The following ZBTB40 variants were observed in gnomAD, a reference collection of about 807,000 sequenced individuals.
The protein encoded by ZBTB40 is zinc finger and BTB domain containing 40, also known as zinc finger and BTB domain-containing protein 40.
In ZBTB40, 60 loss-of-function variants were observed where a neutral mutation model predicts 117.5. That is an observed-to-expected ratio of 0.51 (90% CI 0.41 to 0.63). ZBTB40 has a LOEUF of 0.63. ZBTB40 is among the 30% of genes least tolerant of loss of function. The pLI is 0.00. For missense variants in ZBTB40, 1,287 were observed against 1,498.5 expected, an observed-to-expected ratio of 0.86 and a Z score of 2.33; for synonymous variants, 525 against 577.1, an observed-to-expected ratio of 0.91 and a Z score of 1.29.
At chr1:22,439,416 A>G (rs1273833231) in intron 1 of ZBTB40, among the ~76,000 whole-genome samples, 1 of 152,182 alleles carries the variant, frequency 6.6e-6, no homozygotes, top group Admixed American at 6.5e-5. Context: ...AACCATTACC[A>G]AATCAATGTT....
chr1:22,511,083 C>A (rs1639217544), intron 9 of ZBTB40, 96 bp from the exon 10 acceptor site: 2 of 1,487,620 alleles, frequency 1.3e-6, no homozygotes, highest in Non-Finnish European at 1.9e-6. Context: ...CAGTGCCTTC[C>A]TGGGATTAGC....
At chr1:22,476,633 A>G (rs527840955) in intron 1 of ZBTB40, among the ~76,000 whole-genome samples, 17 of 152,248 alleles carry the variant, frequency 1.1e-4, no homozygotes, top group East Asian at 3.9e-4. Flanking sequence ...TTGAATTCCC[A>G]TTTGTGTTTT....
chr1:22,523,780 G>A (rs1317355542), intron 16 of ZBTB40, among the ~76,000 whole-genome samples: 2 of 152,186 alleles, frequency 1.3e-5, no homozygotes, highest in African/African-American at 4.8e-5. Context: ...CACTTTTGAT[G>A]TTGGTGTGCG....
intron 15 of ZBTB40, among the ~76,000 whole-genome samples, 178 bp from the exon 16 acceptor site, chr1:22,522,199 A>T (rs1639544692): frequency 6.6e-6 from 1 of 152,192 alleles, no homozygotes; most frequent in African/African-American, 2.4e-5. Flanking sequence ...CTGGATCCAG[A>T]TCTCATGCTC....
At chr1:22,456,948 C>G (rs890540702) in intron 1 of ZBTB40, among the ~76,000 whole-genome samples, 2 of 152,148 alleles carry the variant, frequency 1.3e-5, no homozygotes, top group Non-Finnish European at 2.9e-5. Flanking sequence ...GGAGTCAGTT[C>G]CTCAGACTTA....
At chr1:22,459,976 T>C (rs1346018027) in intron 1 of ZBTB40, among the ~76,000 whole-genome samples, 1 of 152,232 alleles carries the variant, frequency 6.6e-6, no homozygotes, top group African/African-American at 2.4e-5. Flanking sequence ...TAATTCTGTT[T>C]AGAATCCCTC....
In ZBTB40 at chr1:22,513,324, A is replaced by C. The variant is rs988516983; in HGVS notation, c.2668+194A>C. 1.3e-5 allele frequency among the ~76,000 whole-genome samples: 2 copies of C among 152,186 alleles called. No homozygotes were observed. The highest frequency in any genetic ancestry group is 2.9e-5 in the Non-Finnish European group (2 of 68,032). Reference sequence around the variant, plus strand: ...GGATTATTTATTACACAGAGGATAAATGCTGGAGGGGATGGATCTCTCATT... The same window carrying C: ...GGATTATTTATTACACAGAGGATAACTGCTGGAGGGGATGGATCTCTCATT... On this transcript the variant is annotated intron_variant, in intron 12 of 17. Coordinates refer to ENST00000375647, the MANE Select transcript of ZBTB40 (RefSeq NM_014870.4). The surrounding 1 kb of genome is among the most constrained non-coding windows in gnomAD (Gnocchi z 4.9).
intron 9 of ZBTB40, among the ~76,000 whole-genome samples, chr1:22,510,211 T>C (rs1457675626): frequency 2.0e-5 from 3 of 152,188 alleles, no homozygotes; most frequent in Non-Finnish European, 4.4e-5. Context: ...TCAAATGTAG[T>C]GCCCTTTTGA....
In ZBTB40 at chr1:22,491,415, AC is replaced by A; in HGVS notation, c.714del (p.Tyr239ThrfsTer3). On this transcript the variant is annotated frameshift_variant, in exon 3 of 18. Transcript: ENST00000375647. LOFTEE classifies it high-confidence loss of function. Reference sequence around the variant, plus strand: ...CTACATTTAGGATGTGAAAGGAAACACTACCAGCTGAATTTTCTTCTAGAAA... The same window carrying A: ...CTACATTTAGGATGTGAAAGGAAACATACCAGCTGAATTTTCTTCTAGAAA... ...TSTEPGCERKHYQLNFLLENE... is the reference protein window; with the variant it reads ...TSTEPGCERKXYQLNFLLENE... The A allele has an allele frequency of 6.2e-7, 1 of 1,613,994 alleles. No homozygotes were observed. The highest frequency in any genetic ancestry group is 8.5e-7 in the Non-Finnish European group (1 of 1,179,902).
chr1:22,483,548 A>G (rs2124421363), intron 1 of ZBTB40, among the ~76,000 whole-genome samples: 1 of 152,314 alleles, frequency 6.6e-6, no homozygotes. Context: ...ACCATGTACA[A>G]CATCTTTTCA....
intron 12 of ZBTB40, among the ~76,000 whole-genome samples, chr1:22,514,491 G>T (rs529434226): frequency 6.6e-6 from 1 of 152,202 alleles, no homozygotes; most frequent in East Asian, 1.9e-4. Flanking sequence ...TTTCTGGCCA[G>T]GCCTCAGGCC....
intron 3 of ZBTB40, among the ~76,000 whole-genome samples, chr1:22,493,794 G>GT (rs377507956): frequency 0.26 from 34,482 of 133,534 alleles, 4,657 homozygotes; most frequent in African/African-American, 0.39. Flanking sequence ...ATTCACCCAT[G>GT]TTTTTTTTTT....
In ZBTB40 at chr1:22,508,613, C is replaced by T. The variant is rs1332172856; in HGVS notation, c.1581C>T (p.Leu527=). ...LISAVLEKQT[L]SATAIWQLLL... Reference sequence around the variant, plus strand: ...CAGCAGTTCTAGAAAAGCAGACTCTCTCTGCCACAGCCATTTGGCAACTGC... The same window carrying T: ...CAGCAGTTCTAGAAAAGCAGACTCTTTCTGCCACAGCCATTTGGCAACTGC... Residue 527 remains leucine (L), a synonymous_variant, in exon 8 of 18, where the codon CTC becomes CTT. Coordinates refer to ENST00000375647, the MANE Select transcript of ZBTB40 (RefSeq NM_014870.4). The T allele has an allele frequency of 1.9e-6, 3 of 1,614,242 alleles. No individual in the cohort carries two copies. The East Asian group carries it at 6.7e-5, about 36-fold the overall frequency.
At chr1:22,502,508 G>T in intron 5 of ZBTB40, 67 bp downstream of exon 5, 1 of 1,595,490 alleles carries the variant, frequency 6.3e-7, no homozygotes, top group Non-Finnish European at 8.6e-7. Context: ...TGCTTTTGTG[G>T]CACATAGCAC....
intron 1 of ZBTB40, among the ~76,000 whole-genome samples, chr1:22,472,679 G>A (rs1476252369): frequency 1.3e-5 from 2 of 152,194 alleles, no homozygotes; most frequent in East Asian, 3.8e-4. Flanking sequence ...ATTGTGTCAT[G>A]AGCCAAGATA....
At chr1:22,505,311 A>G (rs1001657729) in intron 5 of ZBTB40, among the ~76,000 whole-genome samples, 3 of 152,232 alleles carry the variant, frequency 2.0e-5, no homozygotes, top group African/African-American at 7.2e-5. Flanking sequence ...TAATATTAAA[A>G]TATCTGTAAA....
At chr1:22,469,534 G>A (rs1641347897) in intron 1 of ZBTB40, among the ~76,000 whole-genome samples, 2 of 151,994 alleles carry the variant, frequency 1.3e-5, no homozygotes, top group Non-Finnish European at 2.9e-5. Context: ...AAATCCACCT[G>A]ATAGGGTTTT....
intron 5 of ZBTB40, among the ~76,000 whole-genome samples, chr1:22,504,726 C>G (rs1446275832): frequency 6.6e-6 from 1 of 152,162 alleles, no homozygotes; most frequent in African/African-American, 2.4e-5. Flanking sequence ...TCTTCTTTTG[C>G]AAGTGAGGAA....
In ZBTB40 at chr1:22,527,069, G is replaced by C. The variant is rs1204743440; in HGVS notation, c.*673G>C. 1 of 155,776 alleles carries C rather than the reference G, an allele frequency of 6.4e-6. No individual in the cohort carries two copies. Among genetic ancestry groups the C allele is most frequent in the African/African-American group, 2.4e-5 (1 of 41,490 alleles). The allele number at this position is 155,776 out of a possible 1,614,324, so 9.6% of individuals were successfully genotyped here. A position where few individuals can be genotyped will look rare whatever the true frequency, so the allele number is the denominator to read the frequency against. The stretch of plus-strand genomic sequence containing the variant: ...CAGCTCTTCCCAAAACAAAGCTCTG[G>C]AGTTTCTGCTGGAAGTGTTTAATGT... On this transcript the variant is annotated 3_prime_UTR_variant, in exon 18 of 18. Transcript: ENST00000375647.
Sources: gnomAD v4.1 joint callset for allele counts (sites outside exome capture counted in the v4.1 genomes callset) on GRCh38, gnomAD v4.1.1 for gene constraint, Gnocchi (gnomAD v3.1) non-coding constraint, MANE v1.5 for transcripts, NCBI Gene and HGNC (gene_info 2026-07-23, HGNC 2026-07-21) for gene names.